Variants in ABCG5 observed in about 807,000 individuals in gnomAD.
The protein encoded by ABCG5 is ATP-binding cassette sub-family G member 5.
Under a neutral mutation model 64.5 loss-of-function variants are expected in ABCG5, and 64 were observed. The observed-to-expected ratio is 0.99, with a 90% CI of 0.81 to 1.22. ABCG5 has a LOEUF of 1.22. ABCG5 is among the 50% of genes most tolerant of loss of function. The pLI is 0.00. For synonymous variants in ABCG5, 385 were observed against 326.3 expected, an observed-to-expected ratio of 1.18 and a Z score of -1.94; for missense variants, 908 against 829.5, an observed-to-expected ratio of 1.09 and a Z score of -1.16.
In ABCG5 at chr2:43,832,040, C is replaced by T; in HGVS notation, c.309G>A (p.Leu103=). 1.3e-6 allele frequency: 2 copies of T among 1,578,154 alleles called. No homozygotes were observed. The highest frequency in any genetic ancestry group is 8.6e-7 in the Non-Finnish European group (1 of 1,162,462). ...CCCCCAGGAAGGTCCCCGCGCGCCC[C>T]AGCCTCCCGGACATGGCGTCCAGCA... ...TTLLDAMSGR[L]GRAGTFLGEV... Residue 103 remains leucine (L), a synonymous_variant, in exon 3 of 13, where the codon CTG becomes CTA. Coordinates refer to ENST00000405322, the MANE Select transcript of ABCG5 (RefSeq NM_022436.3).
intron 11 of ABCG5, among the ~76,000 whole-genome samples, chr2:43,815,896 T>A (rs1572743192): frequency 9.6e-5 from 9 of 93,434 alleles, no homozygotes; most frequent in Admixed American, 2.8e-4. Flanking sequence ...GAGGGCAGAG[T>A]AAGAACAGGA....
At chr2:43,811,477 C>T (rs901608553), downstream of ABCG5, among the ~76,000 whole-genome samples, 3 of 152,156 alleles carry the variant, frequency 2.0e-5, no homozygotes, top group South Asian at 2.1e-4. Flanking sequence ...CAAGTTCATG[C>T]GCTCTCTACC....
In ABCG5 at chr2:43,838,811, C is replaced by T; in HGVS notation, c.-132G>A. ...CCCGGAGTCCCTTGGGACAGCAGGA[C>T]TGGGACTTGGCCACGGAGACCATTA... is the stretch of plus-strand genomic sequence containing the variant. On this transcript the variant is annotated 5_prime_UTR_variant, in exon 1 of 13. Transcript: ENST00000405322. The surrounding 1 kb of genome is among the most constrained non-coding windows in gnomAD (Gnocchi z 4.2). 2.6e-6 allele frequency: 4 copies of T among 1,517,160 alleles called. No individual in the cohort carries two copies. Among genetic ancestry groups the T allele is most frequent in the Non-Finnish European group, 8.9e-7 (1 of 1,120,226 alleles). 94.0% of individuals were successfully genotyped at this position (1,517,160 alleles called of 1,614,324 possible).
At chr2:43,823,402 G>A (rs1479919462) in intron 9 of ABCG5, among the ~76,000 whole-genome samples, 1 of 151,430 alleles carries the variant, frequency 6.6e-6, no homozygotes, top group African/African-American at 2.4e-5. Flanking sequence ...CTTCACAATA[G>A]CGAAGTCCTT....
upstream of ABCG5, chr2:43,839,003 G>C: frequency 6.5e-7 from 1 of 1,533,668 alleles, no homozygotes; most frequent in South Asian, 1.2e-5. Context: ...CTGGCAGGCA[G>C]CAGCTGGGTC....
At position 43,821,476 on chromosome 2, in the gene ABCG5, G is replaced by A. The variant is rs72873566; in HGVS notation, c.1463+1321C>T. 6.8e-3 allele frequency among the ~76,000 whole-genome samples: 1,042 copies of A among 152,242 alleles called. 14 individuals are homozygous for A. The highest frequency in any genetic ancestry group is 0.023 in the African/African-American group (972 of 41,542). Reference sequence around the variant, plus strand: ...TCGCTCCCAGGATTTCAGAGTCTGAGGACACCCTCTCTGAGCACAGCCTCC... The same window carrying A: ...TCGCTCCCAGGATTTCAGAGTCTGAAGACACCCTCTCTGAGCACAGCCTCC... On this transcript the variant is annotated intron_variant, in intron 10 of 12. Transcript: ENST00000405322.
Position 43,812,769 on chromosome 2 carries a change from A to C in ABCG5, c.*347T>G. ...TTTGCCTAATCCTTTATCCAATGTA[A>C]ACATATTTTTAAGCTGACCTATTTT... is the stretch of plus-strand genomic sequence containing the variant. On this transcript the variant is annotated 3_prime_UTR_variant, in exon 13 of 13. Transcript: ENST00000405322. The C allele has an allele frequency of 4.0e-6, 1 of 252,020 alleles. No homozygotes were observed. Among genetic ancestry groups the C allele is most frequent in the East Asian group, 9.4e-5 (1 of 10,644 alleles). The allele number at this position is 252,020 out of a possible 1,614,324, so 15.6% of individuals were successfully genotyped here. A position where few individuals can be genotyped will look rare whatever the true frequency, so the allele number is the denominator to read the frequency against.
chr2:43,832,389 T>A (rs1668005276), intron 2 of ABCG5: 2 of 521,984 alleles, frequency 3.8e-6, no homozygotes, highest in Admixed American at 6.4e-5. Flanking sequence ...TTTAAAACTG[T>A]TTTGGATTGA....
intron 2 of ABCG5, among the ~76,000 whole-genome samples, chr2:43,835,982 G>A (rs953374327): frequency 6.6e-6 from 1 of 151,800 alleles, no homozygotes; most frequent in Non-Finnish European, 1.5e-5. Flanking sequence ...TGCTGCCCAG[G>A]CTAGAGTGCA....
intron 2 of ABCG5, 81 bp downstream of exon 2, chr2:43,837,753 T>C (rs1175045859): frequency 6.3e-7 from 1 of 1,591,096 alleles, no homozygotes; most frequent in Non-Finnish European, 8.6e-7. Flanking sequence ...TGTGGCTTTC[T>C]TGTTACAACT....
upstream of ABCG5, chr2:43,838,899 G>A (rs531134536): frequency 2.3e-5 from 27 of 1,167,520 alleles, no homozygotes; most frequent in African/African-American, 2.3e-4. The surrounding 1 kb of genome is among the most constrained non-coding windows in gnomAD (Gnocchi z 4.2). Context: ...CACGTTTGTA[G>A]GTGGGCTTGC....
At chr2:43,839,072 G>A (rs1244979430), upstream of ABCG5, 1 of 1,551,180 alleles carries the variant, frequency 6.4e-7, no homozygotes. Context: ...GAAGGCGGCA[G>A]AGGAGAGAGG....
chr2:43,813,686 T>G (rs200170522), intron 12 of ABCG5, among the ~76,000 whole-genome samples: 46 of 146,416 alleles, frequency 3.1e-4, no homozygotes, highest in Non-Finnish European at 4.5e-4. Flanking sequence ...TTTTTTTTTG[T>G]TTTTTTTGGG....
chr2:43,836,184 G>A (rs1041208458), intron 2 of ABCG5, among the ~76,000 whole-genome samples: 8 of 151,718 alleles, frequency 5.3e-5, no homozygotes, highest in Non-Finnish European at 7.4e-5. Flanking sequence ...CAAGTGATCC[G>A]CCCGCCTCTG....
chr2:43,832,251 C>G (rs182229743), intron 2 of ABCG5, 168 bp from the exon 3 acceptor site: 1 of 895,926 alleles, frequency 1.1e-6, no homozygotes, highest in Admixed American at 2.2e-5. Flanking sequence ...CCCTATGGAA[C>G]GCGCACTGTG....
In ABCG5 at chr2:43,819,618, T is replaced by C. The variant is rs1667058365; in HGVS notation, c.1649+297A>G. On this transcript the variant is annotated intron_variant, in intron 11 of 12. Transcript: ENST00000405322. The stretch of plus-strand genomic sequence containing the variant: ...TTAGCCTATCATGTGGGCTGTGAGT[T>C]TTTCCTGGAACATCCGGGCTGGTTT... 2.0e-5 allele frequency among the ~76,000 whole-genome samples: 3 copies of C among 152,236 alleles called. No homozygotes were observed. The South Asian group carries it at 6.2e-4, about 32-fold the overall frequency.
intron 4 of ABCG5, 41 bp downstream of exon 4, chr2:43,831,728 G>T (rs1272029937): frequency 6.5e-7 from 1 of 1,532,180 alleles, no homozygotes; most frequent in Admixed American, 2.0e-5. Context: ...GGGGTGCAAA[G>T]GTACTCAGTT....
chr2:43,826,942 GA>G (rs1428929560), intron 5 of ABCG5, among the ~76,000 whole-genome samples: 1 of 152,190 alleles, frequency 6.6e-6, no homozygotes, highest in Non-Finnish European at 1.5e-5. Flanking sequence ...GCACAGAAAA[GA>G]AAAAAATCTG....
chr2:43,817,680 C>T (rs1666927318), intron 11 of ABCG5, among the ~76,000 whole-genome samples: 1 of 151,858 alleles, frequency 6.6e-6, no homozygotes. Context: ...GAGGCCAAGG[C>T]AGGCAGATCA....
Sources: allele counts gnomAD v4.1 joint callset (sites outside exome capture counted in the v4.1 genomes callset), GRCh38; gene constraint gnomAD v4.1.1; non-coding constraint Gnocchi (gnomAD v3.1); transcripts MANE v1.5; gene names NCBI Gene and HGNC (gene_info 2026-07-23, HGNC 2026-07-21).